The following ANKRD44 variants were observed in gnomAD, a reference collection of about 807,000 sequenced individuals.
ANKRD44 encodes the protein ankyrin repeat domain 44, also known as serine/threonine-protein phosphatase 6 regulatory ankyrin repeat subunit B.
A neutral mutation model predicts 116.0 loss-of-function variants in ANKRD44; 35 were observed. The ratio of observed to expected loss-of-function variants is 0.30; its 90% CI spans 0.23 to 0.40. The LOEUF (loss-of-function observed/expected upper bound fraction) is 0.40, where lower values mean the gene tolerates loss of function less well. Among genes scored for constraint, ANKRD44 ranks in the 10% least tolerant of loss-of-function variants. The pLI, the probability that ANKRD44 is intolerant of heterozygous loss-of-function variation, is 1.00. For missense variants in ANKRD44, 1,014 were observed against 1,242.6 expected, an observed-to-expected ratio of 0.82 and a Z score of 2.77; for synonymous variants, 435 against 461.8, an observed-to-expected ratio of 0.94 and a Z score of 0.74.
At chr2:197,024,576 C>G (rs2076555730) in intron 17 of ANKRD44, among the ~76,000 whole-genome samples, 1 of 152,208 alleles carries the variant, frequency 6.6e-6, no homozygotes, top group African/African-American at 2.4e-5. Flanking sequence ...TGAGCTGTTG[C>G]ATTTGCCTTC....
intron 2 of ANKRD44, among the ~76,000 whole-genome samples, chr2:197,161,652 T>G (rs2079968576): frequency 6.6e-6 from 1 of 152,236 alleles, no homozygotes; most frequent in African/African-American, 2.4e-5. Context: ...ATTACTATCT[T>G]TTCTCTGTTG....
At chr2:197,154,800 T>C (rs920131006) in intron 2 of ANKRD44, among the ~76,000 whole-genome samples, 2 of 152,154 alleles carry the variant, frequency 1.3e-5, no homozygotes, top group Non-Finnish European at 2.9e-5. Context: ...GAGCCTCCCA[T>C]GCCTCAAAGG....
At chr2:197,045,789 A>G (rs2076990896) in intron 16 of ANKRD44, among the ~76,000 whole-genome samples, 2 of 152,234 alleles carry the variant, frequency 1.3e-5, no homozygotes, top group South Asian at 4.1e-4. Context: ...TTATTTAACA[A>G]GGTACCTGAC....
In ANKRD44 at chr2:197,147,022, T is replaced by C. The variant is rs770482614; in HGVS notation, c.190+5A>G. 2.5e-6 allele frequency: 4 copies of C among 1,612,884 alleles called. No individual in the cohort carries two copies. In the South Asian group the frequency reaches 3.3e-5, roughly 13 times the overall value. Reference sequence around the variant, plus strand: ...AATTGACTTTTGAGTATAGCAGTTATTTACCTGACAAAATCAGGAGTTCAA... The same window carrying C: ...AATTGACTTTTGAGTATAGCAGTTACTTACCTGACAAAATCAGGAGTTCAA... On this transcript the variant is annotated splice_donor_5th_base_variant and intron_variant, in intron 3 of 27. Transcript: ENST00000282272.
chr2:197,155,993 G>T (rs1016049117), intron 2 of ANKRD44, among the ~76,000 whole-genome samples: 4 of 152,126 alleles, frequency 2.6e-5, no homozygotes, highest in African/African-American at 9.7e-5. Context: ...TAAAAAGTAG[G>T]CAAAAGATTT....
intron 8 of ANKRD44, among the ~76,000 whole-genome samples, chr2:197,116,985 C>T (rs1303337740): frequency 1.3e-5 from 2 of 152,150 alleles, no homozygotes; most frequent in East Asian, 3.8e-4. Flanking sequence ...AGATATTATT[C>T]TACATGATTT....
intron 8 of ANKRD44, among the ~76,000 whole-genome samples, chr2:197,116,579 A>G (rs1305418447): frequency 1.3e-5 from 2 of 151,208 alleles, no homozygotes; most frequent in Non-Finnish European, 2.9e-5. Flanking sequence ...AAAACACGAC[A>G]CTCCTTCCTG....
At chr2:197,243,666 T>G (rs1372524816) in intron 1 of ANKRD44, among the ~76,000 whole-genome samples, 1 of 152,220 alleles carries the variant, frequency 6.6e-6, no homozygotes, top group Non-Finnish European at 1.5e-5. Context: ...GCCAGCAGAT[T>G]TGATATCTGG....
chr2:197,087,254 T>C (rs2077946769), intron 12 of ANKRD44, among the ~76,000 whole-genome samples: 1 of 152,210 alleles, frequency 6.6e-6, no homozygotes, highest in Non-Finnish European at 1.5e-5. Context: ...TTCCCTGTCT[T>C]TGTAATTTAT....
chr2:197,016,056 G>C, intron 17 of ANKRD44: 1 of 506,826 alleles, frequency 2.0e-6, no homozygotes, highest in Non-Finnish European at 3.9e-6. Flanking sequence ...AGGAGAGAGC[G>C]ATGAGTTGTC....
intron 18 of ANKRD44, among the ~76,000 whole-genome samples, chr2:197,012,234 AG>A (rs1209649649): frequency 6.6e-6 from 1 of 152,206 alleles, no homozygotes; most frequent in African/African-American, 2.4e-5. Context: ...CTTGACCACT[AG>A]GGGGCTTCAC....
At chr2:197,099,967 T>C (rs1450173778) in intron 9 of ANKRD44, 37 bp from the exon 10 acceptor site, 1 of 1,560,312 alleles carries the variant, frequency 6.4e-7, no homozygotes, top group African/African-American at 1.4e-5. Context: ...AACGCAAGGA[T>C]TCAGGTTGAT....
chr2:197,274,656 C>T (rs2083021860), intron 1 of ANKRD44, among the ~76,000 whole-genome samples: 1 of 152,190 alleles, frequency 6.6e-6, no homozygotes. Context: ...ATGTTGGTCC[C>T]TAACGAGCAT....
At chr2:197,004,708 T>A (rs2076172580) in intron 21 of ANKRD44, among the ~76,000 whole-genome samples, 1 of 152,186 alleles carries the variant, frequency 6.6e-6, no homozygotes, top group Admixed American at 6.5e-5. Context: ...TAATATGGTA[T>A]AATTTATTAA....
rs570367477 is a variant in ANKRD44 at position 197,010,520 on chromosome 2, C to T, written c.1925-1489G>A. On this transcript the variant is annotated intron_variant, in intron 18 of 27. Coordinates refer to ENST00000282272, the MANE Select transcript of ANKRD44 (RefSeq NM_001195144.2). ...TGGGGCGGGAGCACTGGATGCACTC[C>T]TGTGCACACCAATTCCAGGCAGCTT... is the stretch of plus-strand genomic sequence containing the variant. 1.5e-3 allele frequency among the ~76,000 whole-genome samples: 230 copies of T among 152,338 alleles called. 2 individuals are homozygous for T. In the South Asian group the frequency reaches 0.021, roughly 14 times the overall value.
intron 17 of ANKRD44, among the ~76,000 whole-genome samples, chr2:197,016,891 T>C (rs970882105): frequency 2.0e-5 from 3 of 152,000 alleles, no homozygotes; most frequent in Non-Finnish European, 4.4e-5. Flanking sequence ...AAGACTAATT[T>C]CCTTAATATA....
In ANKRD44 at chr2:196,986,997, C is replaced by G; in HGVS notation, c.*2594G>C. 1 of 985,360 alleles carries G rather than the reference C, an allele frequency of 1.0e-6. No individual in the cohort carries two copies. The highest frequency in any genetic ancestry group is 1.2e-6 in the Non-Finnish European group (1 of 829,862). 61.0% of individuals were successfully genotyped at this position (985,360 alleles called of 1,614,324 possible). On this transcript the variant is annotated 3_prime_UTR_variant, in exon 28 of 28. Coordinates refer to ENST00000282272, the MANE Select transcript of ANKRD44 (RefSeq NM_001195144.2). Reference sequence around the variant, plus strand: ...TATAACACTGGCACCAGATTTGTATCATCGTGCTTTACAAAGATATATTGC... The same window carrying G: ...TATAACACTGGCACCAGATTTGTATGATCGTGCTTTACAAAGATATATTGC...
intron 1 of ANKRD44, among the ~76,000 whole-genome samples, chr2:197,204,241 G>A (rs972609029): frequency 2.0e-5 from 3 of 152,110 alleles, no homozygotes; most frequent in African/African-American, 7.2e-5. Context: ...CAGCTTCATA[G>A]CATATAAATA....
intron 1 of ANKRD44, among the ~76,000 whole-genome samples, chr2:197,279,486 A>G (rs1162683016): frequency 1.3e-5 from 2 of 152,092 alleles, no homozygotes; most frequent in East Asian, 3.9e-4. Context: ...GGTTTTCACA[A>G]ACTGGAACTC....
Sources: allele counts gnomAD v4.1 joint callset (sites outside exome capture counted in the v4.1 genomes callset), GRCh38; gene constraint gnomAD v4.1.1; transcripts MANE v1.5; gene names NCBI Gene and HGNC (gene_info 2026-07-23, HGNC 2026-07-21).